LRRC20: variants seen among roughly 807,000 people sequenced by gnomAD.
LRRC20 encodes leucine rich repeat containing 20.
LRRC20 carries 11 observed loss-of-function variants against 14.4 expected under a neutral mutation model. The ratio of observed to expected loss-of-function variants is 0.77; its 90% CI spans 0.48 to 1.27. LRRC20 has a LOEUF of 1.27. Among genes scored for constraint, LRRC20 ranks in the 50% most tolerant of loss-of-function variants. The pLI is 0.00. For synonymous variants in LRRC20, 121 were observed against 107.3 expected, an observed-to-expected ratio of 1.13 and a Z score of -0.79; for missense variants, 219 against 251.2, an observed-to-expected ratio of 0.87 and a Z score of 0.87.
rs1842201102 is a variant in LRRC20, at chr10:70,323,926, G to C, written c.337C>G (p.Pro113Ala). ...GCCGGCAGGGCGGTAAGCTGCTCAG[G>C]GAAGTCCTGGAACTGGTTCCGGGAC... The part of the protein sequence containing the change: ...DLSRNQFQDF[P>A]EQLTALPALE... Residue 113 changes from proline (P) to alanine (A), a missense_variant, in exon 4 of 5, where the codon CCT (proline) becomes GCT (alanine). By Grantham distance (27) the Pro-to-Ala change is conservative. Transcript: ENST00000446961. 2 of 1,614,098 alleles carry C rather than the reference G, an allele frequency of 1.2e-6. No individual in the cohort carries two copies. The highest frequency in any genetic ancestry group is 3.3e-5 in the Admixed American group (2 of 60,006).
chr10:70,376,149 C>T (rs1414963670), intron 2 of LRRC20, among the ~76,000 whole-genome samples: 4 of 152,166 alleles, frequency 2.6e-5, no homozygotes, highest in Non-Finnish European at 4.4e-5. Flanking sequence ...CACACAGATG[C>T]TACTTGGCCA....
At chr10:70,324,103 G>T in intron 3 of LRRC20, 73 bp from the exon 4 acceptor site, 1 of 1,443,564 alleles carries the variant, frequency 6.9e-7, no homozygotes, top group Non-Finnish European at 9.6e-7. Flanking sequence ...ACTGCCCGCT[G>T]TGGCTCTCAC....
At chr10:70,305,122 T>G (rs978759180) in intron 4 of LRRC20, among the ~76,000 whole-genome samples, 10 of 151,184 alleles carry the variant, frequency 6.6e-5, no homozygotes, top group African/African-American at 2.2e-4. Context: ...AGGTGGAGGT[T>G]GCAGTGAGCC....
intron 4 of LRRC20, among the ~76,000 whole-genome samples, chr10:70,306,466 T>C (rs998449537): frequency 6.6e-6 from 1 of 152,184 alleles, no homozygotes; most frequent in Non-Finnish European, 1.5e-5. Context: ...CTTCCCTTTT[T>C]AAAAGTTCCT....
Position 70,340,672 on chromosome 10 carries a change from G to C in LRRC20, c.113C>G (p.Pro38Arg). ...DLAECKLVSFPIGIYKVLRNV... is the reference protein window; with the variant it reads ...DLAECKLVSFRIGIYKVLRNV... The stretch of plus-strand genomic sequence containing the variant: ...CCGCAGGACCTTGTAGATGCCAATG[G>C]GAAAGGAGACCAGCTTGCACTCGGC... The change falls in exon 3 of 5, where the codon CCC (proline) becomes CGC (arginine). Residue 38 changes from proline to arginine, a missense_variant. Transcript: ENST00000446961. The C allele has an allele frequency of 4.3e-6, 7 of 1,614,180 alleles. No individual in the cohort carries two copies. The highest frequency in any genetic ancestry group is 5.9e-6 in the Non-Finnish European group (7 of 1,180,028).
intron 4 of LRRC20, among the ~76,000 whole-genome samples, chr10:70,308,114 C>T (rs1003211338): frequency 1.3e-5 from 2 of 152,134 alleles, no homozygotes; most frequent in Non-Finnish European, 2.9e-5. Context: ...CTCCCGGAGC[C>T]CCTCACCACC....
intron 2 of LRRC20, among the ~76,000 whole-genome samples, chr10:70,359,527 T>C (rs137929691): frequency 1.1e-3 from 163 of 152,216 alleles, no homozygotes; most frequent in African/African-American, 3.8e-3. Context: ...GGTAACAGAG[T>C]GAGACCTTGT....
chr10:70,313,767 C>T (rs1841752212), intron 4 of LRRC20, among the ~76,000 whole-genome samples: 2 of 152,116 alleles, frequency 1.3e-5, no homozygotes, highest in African/African-American at 4.8e-5. Flanking sequence ...GATTCCTAAC[C>T]TCCCCAACTG....
At chr10:70,312,761 T>G (rs1841717286) in intron 4 of LRRC20, among the ~76,000 whole-genome samples, 1 of 152,128 alleles carries the variant, frequency 6.6e-6, no homozygotes, top group Non-Finnish European at 1.5e-5. Context: ...TTTAAGACCG[T>G]CCTTCCACCT....
At chr10:70,328,174 T>C (rs911150491) in intron 3 of LRRC20, among the ~76,000 whole-genome samples, 1 of 152,214 alleles carries the variant, frequency 6.6e-6, no homozygotes, top group African/African-American at 2.4e-5. Context: ...CAGGATGAGC[T>C]ACACAAGTCA....
intron 2 of LRRC20, among the ~76,000 whole-genome samples, chr10:70,347,342 T>C (rs899151766): frequency 3.9e-5 from 6 of 152,110 alleles, no homozygotes; most frequent in African/African-American, 7.2e-5. Flanking sequence ...GGAGAGAAAG[T>C]GCTTACAACG....
At chr10:70,372,998 C>A (rs1844365981) in intron 2 of LRRC20, among the ~76,000 whole-genome samples, 1 of 151,620 alleles carries the variant, frequency 6.6e-6, no homozygotes, top group Non-Finnish European at 1.5e-5. Flanking sequence ...CCTGTAATCC[C>A]AGCTACTTGG....
chr10:70,327,080 C>G (rs1842355829), intron 3 of LRRC20, among the ~76,000 whole-genome samples: 1 of 152,184 alleles, frequency 6.6e-6, no homozygotes. Flanking sequence ...TTTCCAAGAG[C>G]CTGTTGGGAG....
chr10:70,368,545 G>A (rs1456998600), intron 2 of LRRC20, among the ~76,000 whole-genome samples: 1 of 151,476 alleles, frequency 6.6e-6, no homozygotes, highest in Non-Finnish European at 1.5e-5. Context: ...CCACCACAAG[G>A]ATTACAGGCA....
At chr10:70,377,782 C>T (rs1382161713) in intron 1 of LRRC20, among the ~76,000 whole-genome samples, 2 of 152,242 alleles carry the variant, frequency 1.3e-5, no homozygotes, top group Non-Finnish European at 2.9e-5. Flanking sequence ...CCAGGGCTGG[C>T]CAAGCCCACC....
At chr10:70,302,509 GA>G (rs1206789744) in intron 4 of LRRC20, among the ~76,000 whole-genome samples, 3 of 152,106 alleles carry the variant, frequency 2.0e-5, no homozygotes, top group Admixed American at 1.3e-4. Flanking sequence ...TTGGAGTGAT[GA>G]AAATATTTTG....
chr10:70,302,797 G>A (rs1422741188), intron 4 of LRRC20, among the ~76,000 whole-genome samples: 5 of 150,300 alleles, frequency 3.3e-5, no homozygotes, highest in East Asian at 2.0e-4. Flanking sequence ...TGCAAGCTCC[G>A]CCTCCCAGGT....
At chr10:70,307,954 G>A (rs952416192) in intron 4 of LRRC20, among the ~76,000 whole-genome samples, 15 of 152,228 alleles carry the variant, frequency 9.9e-5, no homozygotes, top group African/African-American at 1.4e-4. Flanking sequence ...GCCTGCATCC[G>A]CTGAGCAGCA....
At chr10:70,323,808 G>T in intron 4 of LRRC20, 55 bp downstream of exon 4, 26 of 1,591,900 alleles carry the variant, frequency 1.6e-5, no homozygotes, top group Non-Finnish European at 2.2e-5. Flanking sequence ...AGAGTCCTGT[G>T]GCCCATGAGC....
Sources: gnomAD v4.1 joint callset for allele counts (sites outside exome capture counted in the v4.1 genomes callset) on GRCh38, gnomAD v4.1.1 for gene constraint, MANE v1.5 for transcripts, NCBI Gene and HGNC (gene_info 2026-07-23, HGNC 2026-07-21) for gene names.